ARHGAP6: variants seen among roughly 807,000 people sequenced by gnomAD.
The protein encoded by ARHGAP6 is Rho GTPase activating protein 6, also known as rho GTPase-activating protein 6.
In ARHGAP6, 16 loss-of-function variants were observed where a neutral mutation model predicts 55.7. The ratio of observed to expected loss-of-function variants is 0.29; its 90% CI spans 0.19 to 0.44. The LOEUF (loss-of-function observed/expected upper bound fraction) is 0.44, where lower values mean the gene tolerates loss of function less well. Ranked by LOEUF, ARHGAP6 falls within the 20% of genes least tolerant of loss-of-function variation. ARHGAP6 has a pLI of 1.00. For missense variants in ARHGAP6, 698 were observed against 808.9 expected (o/e 0.86, Z 1.66); for synonymous variants, 382 against 360.9 (o/e 1.06, Z -0.66).
intron 2 of ARHGAP6, among the ~76,000 whole-genome samples, chrX:11,203,945 C>T (rs1243620533): frequency 8.9e-6 from 1 of 112,051 alleles, no homozygotes; most frequent in Non-Finnish European, 1.9e-5. Flanking sequence ...TCCTCAAACT[C>T]TAAGTACTTT....
chrX:11,181,964 A>G, intron 6 of ARHGAP6, 99 bp downstream of exon 6: 1 of 694,308 alleles, frequency 1.4e-6, no homozygotes, highest in Non-Finnish European at 2.1e-6. Context: ...AAAAAAAAAA[A>G]AGATAATCAA....
chrX:11,159,776 C>G (rs975104388), intron 9 of ARHGAP6, among the ~76,000 whole-genome samples: 1 of 111,227 alleles, frequency 9.0e-6, no homozygotes, highest in Non-Finnish European at 1.9e-5. Context: ...ATTTAAAACC[C>G]TGTGACCAGC....
intron 1 of ARHGAP6, among the ~76,000 whole-genome samples, chrX:11,542,589 CCAT>C (rs1224168116): frequency 9.0e-6 from 1 of 110,979 alleles, no homozygotes; most frequent in African/African-American, 3.3e-5. Flanking sequence ...GTGGAAGAAA[CCAT>C]CTATGGTTTA....
chrX:11,483,171 A>G (rs2050475217), intron 1 of ARHGAP6, among the ~76,000 whole-genome samples: 1 of 111,665 alleles, frequency 9.0e-6, no homozygotes, highest in South Asian at 3.8e-4. Context: ...TGCCTTACCA[A>G]CAACCATCTG....
intron 12 of ARHGAP6, 23 bp downstream of exon 12, chrX:11,142,210 A>G (rs2045630173): frequency 5.5e-6 from 6 of 1,094,128 alleles, no homozygotes; most frequent in East Asian, 3.1e-5. Flanking sequence ...TAAATGCAAT[A>G]AAGTTTAAAA....
intron 1 of ARHGAP6, among the ~76,000 whole-genome samples, chrX:11,651,092 G>C (rs1601729563): frequency 8.9e-6 from 1 of 111,945 alleles, no homozygotes; most frequent in South Asian, 3.8e-4. Flanking sequence ...CTGACTCATT[G>C]CATCAGCAGC....
intron 1 of ARHGAP6, among the ~76,000 whole-genome samples, chrX:11,408,126 G>C (rs774100773): frequency 9.0e-6 from 1 of 110,927 alleles, no homozygotes; most frequent in Non-Finnish European, 1.9e-5. Flanking sequence ...AGAACTATAA[G>C]TCTTCTGTCC....
intron 1 of ARHGAP6, among the ~76,000 whole-genome samples, chrX:11,539,655 G>A (rs1323185539): frequency 9.0e-6 from 1 of 111,432 alleles, no homozygotes; most frequent in Non-Finnish European, 1.9e-5. Context: ...TAGCCTAAGC[G>A]ATCCAACATC....
At chrX:11,561,975 G>C (rs1422956585) in intron 1 of ARHGAP6, among the ~76,000 whole-genome samples, 2 of 112,111 alleles carry the variant, frequency 1.8e-5, no homozygotes, top group East Asian at 2.8e-4. Flanking sequence ...GAAGCTGCTG[G>C]GGCAGGTGAT....
In ARHGAP6 at chrX:11,569,400, T is replaced by C. The variant is rs761543662; in HGVS notation, c.588+94841A>G. 6.3e-5 allele frequency among the ~76,000 whole-genome samples: 7 copies of C among 111,776 alleles called. No homozygotes were observed. The South Asian group carries it at 1.9e-3, about 30-fold the overall frequency. On this transcript the variant is annotated intron_variant, in intron 1 of 12. Transcript: ENST00000337414. ...AAAGCAAAGGAGGCACACTAATCTGTAGAGGATGTCATGGGTGGCTAGTGC... is the reference window on the plus strand; with the variant it reads ...AAAGCAAAGGAGGCACACTAATCTGCAGAGGATGTCATGGGTGGCTAGTGC...
chrX:11,521,058 G>A (rs2050919641), intron 1 of ARHGAP6, among the ~76,000 whole-genome samples: 1 of 111,456 alleles, frequency 9.0e-6, no homozygotes, highest in Non-Finnish European at 1.9e-5. Flanking sequence ...CTGGATATTA[G>A]CCCTTTGTCA....
chrX:11,514,841 C>CACAA (rs1491054481), intron 1 of ARHGAP6, among the ~76,000 whole-genome samples: 127 of 52,061 alleles, frequency 2.4e-3, no homozygotes, highest in African/African-American at 0.013. Context: ...ATGCATTGCA[C>CACAA]ACACACACAC....
At chrX:11,622,638 G>A (rs1213426020) in intron 1 of ARHGAP6, among the ~76,000 whole-genome samples, 1 of 110,944 alleles carries the variant, frequency 9.0e-6, no homozygotes, top group East Asian at 2.8e-4. Flanking sequence ...TGAAAAATAA[G>A]GGATTGAGGG....
At chrX:11,231,830 T>C (rs2047134034) in intron 2 of ARHGAP6, among the ~76,000 whole-genome samples, 1 of 112,262 alleles carries the variant, frequency 8.9e-6, no homozygotes, top group Non-Finnish European at 1.9e-5. Context: ...TAATTTTTCT[T>C]ATTTATTTGT....
At position 11,144,131 on chromosome X, in the gene ARHGAP6, C is replaced by G. The variant is rs753934488; in HGVS notation, c.2025G>C (p.Val675=). 5 of 1,210,120 alleles carry G rather than the reference C, an allele frequency of 4.1e-6. No individual in the cohort carries two copies. Among genetic ancestry groups the G allele is most frequent in the Non-Finnish European group, 5.6e-6 (5 of 895,246 alleles). The change falls in exon 11 of 13, where the codon GTG becomes GTC. Residue 675 remains valine (V), a synonymous_variant. Transcript: ENST00000337414. ...TAGCCAGCAGGGAGCGCTCAGACAGCACTGGGGAGTTGTTGTCATAAGGGG... is the reference window on the plus strand; with the variant it reads ...TAGCCAGCAGGGAGCGCTCAGACAGGACTGGGGAGTTGTTGTCATAAGGGG... ...DISPYDNNSP[V]LSERSLLAMQ... is the part of the protein sequence containing the mutation.
At chrX:11,174,643 CTT>C (rs1569241618) in intron 8 of ARHGAP6, among the ~76,000 whole-genome samples, 9 of 71,639 alleles carry the variant, frequency 1.3e-4, no homozygotes, top group South Asian at 1.5e-3. Context: ...TTCTTTCTTT[CTT>C]TCTTTCTTTC....
At chrX:11,427,264 G>A (rs2049890878) in intron 1 of ARHGAP6, among the ~76,000 whole-genome samples, 2 of 112,274 alleles carry the variant, frequency 1.8e-5, no homozygotes, top group Admixed American at 1.9e-4. Flanking sequence ...CTTTGTCAGC[G>A]AGGTGGTGGC....
intron 2 of ARHGAP6, among the ~76,000 whole-genome samples, chrX:11,197,612 G>T (rs1302685237): frequency 8.9e-6 from 1 of 112,052 alleles, no homozygotes; most frequent in Non-Finnish European, 1.9e-5. Flanking sequence ...TCTTTGTGGG[G>T]AGTTCCATGG....
In ARHGAP6 at chrX:11,475,224, C is replaced by A. The variant is rs1006408569; in HGVS notation, c.588+189017G>T. Among the ~76,000 whole-genome samples, 5 of 110,983 alleles carry A rather than the reference C, an allele frequency of 4.5e-5. No individual in the cohort carries two copies. The East Asian group carries it at 1.4e-3, about 31-fold the overall frequency. On this transcript the variant is annotated intron_variant, in intron 1 of 12. Coordinates refer to ENST00000337414, the MANE Select transcript of ARHGAP6 (RefSeq NM_013427.3). ...ATAGACTGTTTCCATTCTTCTTGTG[C>A]CCTATTTTTAAAAAATACTGTGATA...
Sources: gnomAD v4.1 joint callset for allele counts (sites outside exome capture counted in the v4.1 genomes callset) on GRCh38, gnomAD v4.1.1 for gene constraint, MANE v1.5 for transcripts, NCBI Gene and HGNC (gene_info 2026-07-23, HGNC 2026-07-21) for gene names.